The following SP140L variants were observed in gnomAD, a reference collection of about 807,000 sequenced individuals.
SP140L encodes SP140 like nuclear body protein.
A neutral mutation model predicts 84.3 loss-of-function variants in SP140L; 64 were observed. The observed-to-expected ratio is 0.76, with a 90% CI of 0.62 to 0.94. SP140L has a LOEUF of 0.94. Ranked by LOEUF, SP140L falls within the 40% of genes least tolerant of loss-of-function variation. The pLI is 0.00. For missense variants in SP140L, 628 were observed against 692.5 expected (o/e 0.91, Z 1.05); for synonymous variants, 242 against 236.9 (o/e 1.02, Z -0.20).
intron 18 of SP140L, among the ~76,000 whole-genome samples, chr2:230,402,407 T>A (rs1307562293): frequency 1.3e-5 from 2 of 152,256 alleles, no homozygotes; most frequent in Non-Finnish European, 1.5e-5. Context: ...GAAAGGATCA[T>A]GCTGGTGAGA....
At chr2:230,337,368 A>G (rs141123614) in intron 2 of SP140L, among the ~76,000 whole-genome samples, 18,153 of 151,880 alleles carry the variant, frequency 0.12, 1,129 homozygotes, top group Middle Eastern at 0.15. Flanking sequence ...AAATTTGTTT[A>G]AGTTCATTGT....
rs190701551 is a variant in SP140L at position 230,361,865 on chromosome 2, T to C, written c.523+168T>C. On this transcript the variant is annotated intron_variant, in intron 5 of 18. Transcript: ENST00000415673. ...TATGAGCTCCTAATCAGATGCAGGGTCCTGGAGAAGTGGCCATAACAAGAC... is the reference window on the plus strand; with the variant it reads ...TATGAGCTCCTAATCAGATGCAGGGCCCTGGAGAAGTGGCCATAACAAGAC... 2.6e-3 allele frequency among the ~76,000 whole-genome samples: 388 copies of C among 152,104 alleles called. 2 individuals are homozygous for C. Among genetic ancestry groups the C allele is most frequent in the Non-Finnish European group, 4.0e-3 (271 of 67,986 alleles).
At chr2:230,384,515 T>A (rs2061507311) in intron 8 of SP140L, among the ~76,000 whole-genome samples, 1 of 152,244 alleles carries the variant, frequency 6.6e-6, no homozygotes, top group South Asian at 2.1e-4. Context: ...TCACCAATCA[T>A]CTATCTTCTG....
chr2:230,366,090 C>G (rs2060861306), intron 5 of SP140L, among the ~76,000 whole-genome samples: 1 of 152,082 alleles, frequency 6.6e-6, no homozygotes. Context: ...GTATATTTCA[C>G]TCCTGTAGAA....
At chr2:230,330,261 G>A (rs1437420109) in intron 2 of SP140L, among the ~76,000 whole-genome samples, 1 of 152,080 alleles carries the variant, frequency 6.6e-6, no homozygotes, top group African/African-American at 2.4e-5. Flanking sequence ...TTTTTCTGAG[G>A]ACACCATTAA....
chr2:230,402,487 A>G (rs1268272326), intron 18 of SP140L, among the ~76,000 whole-genome samples: 1 of 152,256 alleles, frequency 6.6e-6, no homozygotes, highest in Non-Finnish European at 1.5e-5. Context: ...GGTGTTTAAG[A>G]TAAGAGTCCT....
intron 13 of SP140L, among the ~76,000 whole-genome samples, chr2:230,396,443 G>C (rs1384058502): frequency 6.6e-6 from 1 of 152,234 alleles, no homozygotes; most frequent in Non-Finnish European, 1.5e-5. Context: ...CAGATGGTGA[G>C]GCCAACACAG....
At chr2:230,339,109 G>C (rs1284968715) in intron 2 of SP140L, among the ~76,000 whole-genome samples, 1 of 148,066 alleles carries the variant, frequency 6.8e-6, no homozygotes, top group African/African-American at 2.5e-5. Flanking sequence ...GAATTCGGCT[G>C]TGAATCCATC....
intron 10 of SP140L, 120 bp from the exon 11 acceptor site, chr2:230,389,799 T>G (rs1170804430): frequency 9.2e-6 from 9 of 974,502 alleles, no homozygotes; most frequent in African/African-American, 3.4e-5. Flanking sequence ...TTTGAAACTC[T>G]AGAGATTTAT....
chr2:230,347,586 G>T (rs2060246866), intron 2 of SP140L, among the ~76,000 whole-genome samples: 1 of 152,174 alleles, frequency 6.6e-6, no homozygotes, highest in African/African-American at 2.4e-5. Context: ...GGCCACTGAG[G>T]CTGGGCAGGG....
intron 7 of SP140L, chr2:230,372,657 G>A (rs35412999): frequency 0.2 from 29,409 of 149,670 alleles, 3,321 homozygotes; most frequent in South Asian, 0.43. Flanking sequence ...CCTGGGAGGC[G>A]GAGCTTGCAG....
chr2:230,387,952 G>A (rs1472856248), intron 9 of SP140L, among the ~76,000 whole-genome samples: 1 of 152,132 alleles, frequency 6.6e-6, no homozygotes, highest in Non-Finnish European at 1.5e-5. Flanking sequence ...TTCAGCACAA[G>A]GGTACAAATA....
chr2:230,335,148 T>G (rs1014948874), intron 2 of SP140L, among the ~76,000 whole-genome samples: 1 of 152,162 alleles, frequency 6.6e-6, no homozygotes, highest in African/African-American at 2.4e-5. Context: ...GATCCATTAC[T>G]CTTATTTTTT....
rs767567812 is a variant in SP140L at position 230,367,068 on chromosome 2, C to T, written c.524-3840C>T. 1.6e-4 allele frequency among the ~76,000 whole-genome samples: 25 copies of T among 152,040 alleles called. 1 individual carries two copies. The Middle Eastern group carries it at 0.01, about 62-fold the overall frequency. The stretch of plus-strand genomic sequence containing the variant: ...TTATTCCTTTCTTTCTCTCTTCCTT[C>T]GTTTGTGATTAAGTGATTTCCTCTA... On this transcript the variant is annotated intron_variant, in intron 5 of 18. Transcript: ENST00000415673.
intron 4 of SP140L, 122 bp from the exon 5 acceptor site, chr2:230,361,492 G>C (rs1003409142): frequency 5.0e-6 from 3 of 601,752 alleles, no homozygotes; most frequent in Non-Finnish European, 8.2e-6. Context: ...AAGATGATAG[G>C]AGAAGTTTAA....
chr2:230,359,175 T>A lies in SP140L; in HGVS notation c.439+43T>A, dbSNP rs777322647. ...CTACCTTTTGATTTCCGGGGCCAAT[T>A]TTTTTCAATAAGCATATGTTTGAGC... On this transcript the variant is annotated intron_variant, in intron 4 of 18. Transcript: ENST00000415673. 4.5e-6 allele frequency: 7 copies of A among 1,569,298 alleles called. No homozygotes were observed. In the Admixed American group the frequency reaches 1.3e-4, roughly 28 times the overall value.
intron 5 of SP140L, among the ~76,000 whole-genome samples, chr2:230,364,080 T>C (rs1363903551): frequency 2.0e-5 from 3 of 152,210 alleles, no homozygotes; most frequent in Admixed American, 1.3e-4. Flanking sequence ...TAGTATATAT[T>C]GAAGTCAGGT....
intron 4 of SP140L, 67 bp from the exon 5 acceptor site, chr2:230,361,547 A>G: frequency 7.8e-7 from 1 of 1,279,940 alleles, no homozygotes; most frequent in Non-Finnish European, 1.1e-6. Context: ...CCTAAAAGCC[A>G]ATTTCCAGGT....
At chr2:230,336,277 T>C (rs1315998435) in intron 2 of SP140L, among the ~76,000 whole-genome samples, 1 of 152,226 alleles carries the variant, frequency 6.6e-6, no homozygotes, top group East Asian at 1.9e-4. Flanking sequence ...CCAGTTGTGG[T>C]TGATTTCTTC....
Sources: allele counts gnomAD v4.1 joint callset (sites outside exome capture counted in the v4.1 genomes callset), GRCh38; gene constraint gnomAD v4.1.1; transcripts MANE v1.5; gene names NCBI Gene and HGNC (gene_info 2026-07-23, HGNC 2026-07-21).